KCNIP4: variants seen among roughly 807,000 people sequenced by gnomAD.
KCNIP4 encodes potassium voltage-gated channel interacting protein 4.
Under a neutral mutation model 34.0 loss-of-function variants are expected in KCNIP4, and 12 were observed. That is an observed-to-expected ratio of 0.35 (90% confidence interval 0.23 to 0.57). The LOEUF (loss-of-function observed/expected upper bound fraction) is 0.57. Ranked by LOEUF, KCNIP4 falls within the 20% of genes least tolerant of loss-of-function variation. KCNIP4 has a pLI of 0.83. For missense variants in KCNIP4, 238 were observed against 311.7 expected, an observed-to-expected ratio of 0.76 and a Z score of 1.78; for synonymous variants, 124 against 102.2, an observed-to-expected ratio of 1.21 and a Z score of -1.29.
rs181762438 is a variant in KCNIP4 at position 21,829,006 on chromosome 4, A to G, written c.61+119565T>C. On this transcript the variant is annotated intron_variant, in intron 1 of 8. Transcript: ENST00000382152. ...GGGATGGAAATGAAGATGCTTTTCAACATATTGTATCCCAATATACCCATC... is the reference window on the plus strand; with the variant it reads ...GGGATGGAAATGAAGATGCTTTTCAGCATATTGTATCCCAATATACCCATC... Among the ~76,000 whole-genome samples the G allele has an allele frequency of 1.2e-4, 18 of 152,180 alleles. No individual in the cohort carries two copies. In the East Asian group the frequency reaches 3.5e-3, roughly 29 times the overall value.
At chr4:21,079,225 G>A (rs979775827) in intron 1 of KCNIP4, among the ~76,000 whole-genome samples, 1 of 151,856 alleles carries the variant, frequency 6.6e-6, no homozygotes, top group Non-Finnish European at 1.5e-5. Context: ...CCATTTTTTG[G>A]CATCTCACAC....
At chr4:21,101,295 T>A (rs1378574177) in intron 1 of KCNIP4, among the ~76,000 whole-genome samples, 1 of 152,198 alleles carries the variant, frequency 6.6e-6, no homozygotes, top group Non-Finnish European at 1.5e-5. Context: ...GATTCCATTC[T>A]TTTTTATGCA....
chr4:21,836,066 G>T (rs1849541), intron 1 of KCNIP4, among the ~76,000 whole-genome samples: 1 of 152,160 alleles, frequency 6.6e-6, no homozygotes, highest in African/African-American at 2.4e-5. Context: ...GAACCTCTTT[G>T]GGTGGACTGG....
intron 1 of KCNIP4, among the ~76,000 whole-genome samples, chr4:20,999,414 GTTTTTTTTTTTTGTTTGTT>G (rs770808216): frequency 4.2e-5 from 4 of 95,348 alleles, no homozygotes; most frequent in Non-Finnish European, 6.0e-5. Context: ...TTGTGGTGGT[GTTTTTTTTTTTTGTTTGTT>G]TTTTGTTTTT....
chr4:21,773,767 GTT>G (rs373554454), intron 1 of KCNIP4, among the ~76,000 whole-genome samples: 1 of 138,280 alleles, frequency 7.2e-6, no homozygotes, highest in African/African-American at 3.0e-5. Flanking sequence ...TTGTTTGTTT[GTT>G]TTTGTTTTGT....
intron 1 of KCNIP4, among the ~76,000 whole-genome samples, chr4:20,913,158 CAA>C (rs541131404): frequency 2.0e-5 from 3 of 151,824 alleles, no homozygotes; most frequent in Admixed American, 1.3e-4. Context: ...AATGAATAAA[CAA>C]AAGGTGGTTT....
chr4:21,694,685 C>T (rs989153605), intron 1 of KCNIP4, among the ~76,000 whole-genome samples: 1 of 151,870 alleles, frequency 6.6e-6, no homozygotes, highest in Non-Finnish European at 1.5e-5. Context: ...AAAGCTCTCA[C>T]AAAAGGAAAT....
intron 1 of KCNIP4, among the ~76,000 whole-genome samples, chr4:21,318,020 A>T (rs1328209735): frequency 6.6e-6 from 1 of 152,182 alleles, no homozygotes; most frequent in Non-Finnish European, 1.5e-5. Context: ...AGACTAATAC[A>T]GGAACTGTCT....
chr4:21,924,213 G>A (rs1729101765), intron 1 of KCNIP4, among the ~76,000 whole-genome samples: 1 of 151,262 alleles, frequency 6.6e-6, no homozygotes, highest in African/African-American at 2.4e-5. Context: ...TTGTACATAA[G>A]GAGGACAATT....
At chr4:21,738,632 G>A (rs1277163080) in intron 1 of KCNIP4, among the ~76,000 whole-genome samples, 1 of 152,104 alleles carries the variant, frequency 6.6e-6, no homozygotes, top group East Asian at 1.9e-4. Context: ...ATTAATGTAA[G>A]CTTTTAAAAT....
At chr4:21,638,464 A>G (rs1360687533) in intron 1 of KCNIP4, among the ~76,000 whole-genome samples, 2 of 152,184 alleles carry the variant, frequency 1.3e-5, no homozygotes, top group Non-Finnish European at 2.9e-5. Context: ...GAAAAAGAAA[A>G]TTCAGGAAAA....
rs58751863 is a variant in KCNIP4 at position 21,483,208 on chromosome 4, C to G, written c.61+465363G>C. 6.5e-3 allele frequency among the ~76,000 whole-genome samples: 973 copies of G among 150,612 alleles called. 45 individuals carry two copies. In the East Asian group the frequency reaches 0.12, roughly 18 times the overall value. ...AACCTGCATGTTGTGCACATGTACC[C>G]TACAACTTAAAGTATAATTTAAATA... On this transcript the variant is annotated intron_variant, in intron 1 of 8. Coordinates refer to ENST00000382152, the MANE Select transcript of KCNIP4 (RefSeq NM_025221.6).
intron 1 of KCNIP4, among the ~76,000 whole-genome samples, chr4:21,277,320 G>C (rs1033364103): frequency 6.6e-6 from 1 of 152,132 alleles, no homozygotes; most frequent in Non-Finnish European, 1.5e-5. Context: ...TATTCATAGA[G>C]AGCCAAGGAT....
intron 1 of KCNIP4, among the ~76,000 whole-genome samples, chr4:21,159,359 T>G (rs1753406506): frequency 6.6e-6 from 1 of 152,052 alleles, no homozygotes; most frequent in Non-Finnish European, 1.5e-5. Context: ...AAATATCGTA[T>G]TTTTAGAAAA....
intron 1 of KCNIP4, among the ~76,000 whole-genome samples, chr4:21,637,983 A>AG (rs1746342379): frequency 6.6e-6 from 1 of 152,118 alleles, no homozygotes; most frequent in African/African-American, 2.4e-5. Flanking sequence ...GGAATGGGGC[A>AG]GGGGGGAGAA....
intron 1 of KCNIP4, among the ~76,000 whole-genome samples, chr4:21,205,924 C>G (rs1000156808): frequency 1.3e-5 from 2 of 152,184 alleles, no homozygotes; most frequent in Non-Finnish European, 2.9e-5. Context: ...ACAAATATAA[C>G]ATCCGTGACA....
At chr4:21,072,267 A>G (rs899274484) in intron 1 of KCNIP4, among the ~76,000 whole-genome samples, 1 of 152,162 alleles carries the variant, frequency 6.6e-6, no homozygotes, top group African/African-American at 2.4e-5. Flanking sequence ...CAACAGTGTA[A>G]AAGTGTTCCT....
chr4:21,657,288 G>A (rs1748038997), intron 1 of KCNIP4, among the ~76,000 whole-genome samples: 1 of 152,146 alleles, frequency 6.6e-6, no homozygotes, highest in Non-Finnish European at 1.5e-5. Context: ...GAGCATTAGT[G>A]TGTTGCGTCT....
At chr4:21,538,455 G>A (rs1292990166) in intron 1 of KCNIP4, among the ~76,000 whole-genome samples, 1 of 152,004 alleles carries the variant, frequency 6.6e-6, no homozygotes, top group Middle Eastern at 3.4e-3. Flanking sequence ...ACATAGAGGA[G>A]GAAGGTAAAA....
Sources: gnomAD v4.1 joint callset for allele counts (sites outside exome capture counted in the v4.1 genomes callset) on GRCh38, gnomAD v4.1.1 for gene constraint, MANE v1.5 for transcripts, NCBI Gene and HGNC (gene_info 2026-07-23, HGNC 2026-07-21) for gene names.